Variants in UST observed in about 807,000 individuals in gnomAD.
UST encodes uronyl 2-sulfotransferase.
In UST, 21 loss-of-function variants were observed where a neutral mutation model predicts 45.6. The observed-to-expected ratio is 0.46, with a 90% CI of 0.33 to 0.66. The LOEUF is 0.66. Among genes scored for constraint, UST ranks in the 30% least tolerant of loss-of-function variants. UST has a pLI of 0.02. For synonymous variants in UST, 215 were observed against 200.6 expected, an observed-to-expected ratio of 1.07 and a Z score of -0.61; for missense variants, 463 against 512.4, an observed-to-expected ratio of 0.90 and a Z score of 0.93.
At chr6:148,814,815 T>TGGG (rs1777325405) in intron 1 of UST, among the ~76,000 whole-genome samples, 2 of 152,162 alleles carry the variant, frequency 1.3e-5, no homozygotes, top group Non-Finnish European at 2.9e-5. Context: ...TTCAGGGTGA[T>TGGG]GGGGGCTTCA....
chr6:148,776,281 T>TA (rs1776533895), intron 1 of UST, among the ~76,000 whole-genome samples: 1 of 152,204 alleles, frequency 6.6e-6, no homozygotes, highest in Non-Finnish European at 1.5e-5. Context: ...TTCAGGCCCT[T>TA]AGTGGATCTT....
chr6:148,919,891 G>A (rs1282675439), intron 2 of UST, among the ~76,000 whole-genome samples: 2 of 152,184 alleles, frequency 1.3e-5, no homozygotes, highest in Non-Finnish European at 2.9e-5. Flanking sequence ...GAAGACACAG[G>A]TTTAAAGGCC....
chr6:148,842,857 G>A (rs1388888082), intron 1 of UST, among the ~76,000 whole-genome samples: 1 of 152,140 alleles, frequency 6.6e-6, no homozygotes, highest in African/African-American at 2.4e-5. Flanking sequence ...GTAGTACTTA[G>A]TGGGTTTACA....
At chr6:149,058,344 CATGT>C (rs60352976) in intron 7 of UST, among the ~76,000 whole-genome samples, 19,150 of 126,502 alleles carry the variant, frequency 0.15, 1,279 homozygotes, top group Middle Eastern at 0.22. Context: ...AAAGGAGGAG[CATGT>C]GTGTGTGTGT....
At chr6:148,794,395 T>G (rs563138231) in intron 1 of UST, among the ~76,000 whole-genome samples, 4 of 152,230 alleles carry the variant, frequency 2.6e-5, no homozygotes, top group Non-Finnish European at 5.9e-5. Context: ...TCATACTTTT[T>G]TATTCCACTG....
intron 1 of UST, among the ~76,000 whole-genome samples, chr6:148,834,578 T>C (rs1425340555): frequency 6.6e-6 from 1 of 151,728 alleles, no homozygotes; most frequent in Non-Finnish European, 1.5e-5. Context: ...ATACAAAAAA[T>C]AGAAAAAGTA....
intron 7 of UST, among the ~76,000 whole-genome samples, chr6:149,034,320 A>G (rs1776196631): frequency 1.3e-5 from 2 of 152,196 alleles, no homozygotes; most frequent in Non-Finnish European, 2.9e-5. Flanking sequence ...GATCTGCCGC[A>G]TTCAGTATTA....
At chr6:148,817,343 G>A (rs925302957) in intron 1 of UST, among the ~76,000 whole-genome samples, 1 of 152,194 alleles carries the variant, frequency 6.6e-6, no homozygotes, top group East Asian at 1.9e-4. Flanking sequence ...TTGATGAAAA[G>A]AGTCAAACTC....
At position 148,970,353 on chromosome 6, in the gene UST, G is replaced by T. The variant is rs1780890100; in HGVS notation, c.681+5790G>T. Among the ~76,000 whole-genome samples the T allele has an allele frequency of 3.9e-5, 6 of 152,194 alleles. No homozygotes were observed. In the South Asian group the frequency reaches 1.2e-3, roughly 31 times the overall value. ...AGCAGGTTAGCATGCTTTGCCTCAT[G>T]TTAGGGTGTCCGCCCTCACAGCCTC... On this transcript the variant is annotated intron_variant, in intron 5 of 7. Transcript: ENST00000367463.
chr6:148,916,049 A>G (rs956513765), intron 2 of UST, among the ~76,000 whole-genome samples: 2 of 148,210 alleles, frequency 1.3e-5, no homozygotes, highest in South Asian at 2.1e-4. Flanking sequence ...CTGCAGTTCT[A>G]TTTTCAAAGT....
chr6:148,849,104 G>A (rs1018649245), intron 1 of UST, among the ~76,000 whole-genome samples: 3 of 152,022 alleles, frequency 2.0e-5, no homozygotes, highest in Admixed American at 6.6e-5. Flanking sequence ...ATGAGTGGGC[G>A]GTGCCTGCTC....
intron 5 of UST, among the ~76,000 whole-genome samples, chr6:148,974,619 G>C (rs773003368): frequency 6.6e-6 from 1 of 152,146 alleles, no homozygotes; most frequent in Admixed American, 6.5e-5. Flanking sequence ...AGAACAAACC[G>C]CTTTTTCTCT....
At chr6:149,029,703 AT>A (rs1374987069) in intron 7 of UST, among the ~76,000 whole-genome samples, 1 of 151,988 alleles carries the variant, frequency 6.6e-6, no homozygotes, top group South Asian at 2.1e-4. Flanking sequence ...CAGATTAGCT[AT>A]TTTTAGAAGG....
chr6:148,768,339 C>T (rs1776356303), intron 1 of UST, among the ~76,000 whole-genome samples: 1 of 152,120 alleles, frequency 6.6e-6, no homozygotes, highest in South Asian at 2.1e-4. Flanking sequence ...GTTCCTCTTT[C>T]TCTTATCAAT....
intron 2 of UST, among the ~76,000 whole-genome samples, chr6:148,890,154 TAAG>T (rs1279612535): frequency 1.3e-5 from 2 of 152,162 alleles, no homozygotes; most frequent in Non-Finnish European, 2.9e-5. Flanking sequence ...GCAGTAGCCA[TAAG>T]AAGAAGAATA....
At chr6:148,925,158 A>G (rs1779787867) in intron 2 of UST, among the ~76,000 whole-genome samples, 1 of 152,148 alleles carries the variant, frequency 6.6e-6, no homozygotes. Flanking sequence ...AGCTCTGTGT[A>G]TGAGAGAAAA....
Position 148,913,423 on chromosome 6 carries a change from C to CTTTTTTTTTTTTT in UST, c.291+26407_291+26419dup, listed in dbSNP as rs34110477. On this transcript the variant is annotated intron_variant, in intron 2 of 7. Transcript: ENST00000367463. ...ACAGTCCGTATTTGGGACCAAAAAT[C>CTTTTTTTTTTTTT]TTTTTTTTTTTTTTTTTTTTTTTTT... Among the ~76,000 whole-genome samples, 17 of 79,862 alleles carry CTTTTTTTTTTTTT rather than the reference C, an allele frequency of 2.1e-4. 1 individual carries two copies. The highest frequency in any genetic ancestry group is 2.5e-4 in the Non-Finnish European group (11 of 44,364). 52.4% of individuals were successfully genotyped at this position (79,862 alleles called of 152,430 possible). A position where few individuals can be genotyped will look rare whatever the true frequency, so the allele number is the denominator to read the frequency against.
intron 1 of UST, among the ~76,000 whole-genome samples, chr6:148,817,110 G>A (rs1263795152): frequency 1.3e-5 from 2 of 152,182 alleles, no homozygotes; most frequent in Non-Finnish European, 2.9e-5. Context: ...CAGGTGGCAC[G>A]TGGCCTACTC....
intron 1 of UST, among the ~76,000 whole-genome samples, chr6:148,885,434 T>C (rs1296481116): frequency 6.6e-6 from 1 of 152,212 alleles, no homozygotes; most frequent in Non-Finnish European, 1.5e-5. Flanking sequence ...ACATAGATCT[T>C]ACATCCTATT....
Sources: gnomAD v4.1 joint callset for allele counts (sites outside exome capture counted in the v4.1 genomes callset) on GRCh38, gnomAD v4.1.1 for gene constraint, MANE v1.5 for transcripts, NCBI Gene and HGNC (gene_info 2026-07-23, HGNC 2026-07-21) for gene names.